PTPRD: variants seen among roughly 807,000 people sequenced by gnomAD.
PTPRD encodes the protein receptor-type tyrosine-protein phosphatase delta.
Under a neutral mutation model 214.5 loss-of-function variants are expected in PTPRD, and 34 were observed. That is an observed-to-expected ratio of 0.16 (90% CI 0.12 to 0.21). The LOEUF is 0.21. PTPRD is among the 10% of genes least tolerant of loss of function. The probability of loss-of-function intolerance (pLI) is 1.00; values close to 1 mark genes in which losing one functional copy is unlikely to be tolerated. For missense variants in PTPRD, 2,545 were observed against 2,398.7 expected, an observed-to-expected ratio of 1.06 and a Z score of -1.27; for synonymous variants, 1,128 against 845.7, an observed-to-expected ratio of 1.33 and a Z score of -5.79.
intron 14 of PTPRD, among the ~76,000 whole-genome samples, chr9:8,545,283 A>C (rs2079738818): frequency 6.6e-6 from 1 of 152,200 alleles, no homozygotes; most frequent in African/African-American, 2.4e-5. Flanking sequence ...TTGTTCAGAC[A>C]TACAGGGACC....
chr9:8,751,551 C>T (rs1003828913), intron 11 of PTPRD, among the ~76,000 whole-genome samples: 5 of 152,160 alleles, frequency 3.3e-5, no homozygotes, highest in Non-Finnish European at 2.9e-5. Flanking sequence ...TATTAGAAAA[C>T]AGGGCCCTTC....
At chr9:9,927,360 G>C (rs1375419886) in intron 5 of PTPRD, among the ~76,000 whole-genome samples, 2 of 152,072 alleles carry the variant, frequency 1.3e-5, no homozygotes, top group Non-Finnish European at 2.9e-5. Context: ...ATTGCTAGCT[G>C]TCCTTTCCTA....
intron 5 of PTPRD, among the ~76,000 whole-genome samples, chr9:9,917,099 T>TA (rs1566284164): frequency 7.0e-5 from 9 of 128,096 alleles, no homozygotes; most frequent in African/African-American, 2.8e-4. Flanking sequence ...AATGTCTACA[T>TA]CAAAAAAAAC....
At chr9:9,523,176 G>C (rs986764746) in intron 8 of PTPRD, among the ~76,000 whole-genome samples, 51 of 152,120 alleles carry the variant, frequency 3.4e-4, no homozygotes, top group Middle Eastern at 3.4e-3. Context: ...TTTATTTCTT[G>C]GAGAACAATA....
At chr9:10,092,262 A>G (rs763201884) in intron 3 of PTPRD, among the ~76,000 whole-genome samples, 3 of 151,486 alleles carry the variant, frequency 2.0e-5, no homozygotes, top group Non-Finnish European at 3.0e-5. Flanking sequence ...ATTTAGATAT[A>G]TAATTGCAGA....
intron 36 of PTPRD, among the ~76,000 whole-genome samples, chr9:8,390,716 A>G (rs1019157460): frequency 6.6e-6 from 1 of 152,148 alleles, no homozygotes; most frequent in Non-Finnish European, 1.5e-5. Context: ...CATGCCTTTA[A>G]GAGAGACAGA....
chr9:8,696,673 G>A (rs563331401), intron 12 of PTPRD, among the ~76,000 whole-genome samples: 16 of 152,314 alleles, frequency 1.1e-4, no homozygotes, highest in African/African-American at 1.7e-4. Context: ...TTAAAATGTC[G>A]TGAGCTAACA....
intron 4 of PTPRD, among the ~76,000 whole-genome samples, chr9:10,027,632 T>G (rs10733202): frequency 0.56 from 85,210 of 152,026 alleles, 25,924 homozygotes; most frequent in Middle Eastern, 0.77. Context: ...TATTCTCCTT[T>G]ATACTGCCTA....
intron 12 of PTPRD, among the ~76,000 whole-genome samples, chr9:8,731,386 AAC>A (rs1180055039): frequency 6.6e-6 from 1 of 152,212 alleles, no homozygotes; most frequent in Non-Finnish European, 1.5e-5. Flanking sequence ...ATCAATACGA[AAC>A]ACAGTTAGGT....
At chr9:10,313,687 G>T (rs919841831) in intron 3 of PTPRD, among the ~76,000 whole-genome samples, 1 of 151,856 alleles carries the variant, frequency 6.6e-6, no homozygotes, top group Non-Finnish European at 1.5e-5. Flanking sequence ...CAGTTCCCAG[G>T]ACCAGCCACT....
chr9:8,965,669 A>C (rs767458646), intron 11 of PTPRD, among the ~76,000 whole-genome samples: 3 of 152,102 alleles, frequency 2.0e-5, no homozygotes, highest in Admixed American at 1.3e-4. Context: ...TGACAAACCC[A>C]CAGTTAACAT....
chr9:9,049,381 G>A (rs991614701), intron 10 of PTPRD, among the ~76,000 whole-genome samples: 1 of 152,174 alleles, frequency 6.6e-6, no homozygotes, highest in African/African-American at 2.4e-5. Flanking sequence ...GGTGTAGTTT[G>A]TAGTGGCTCA....
At chr9:9,292,727 G>T (rs180839043) in intron 9 of PTPRD, among the ~76,000 whole-genome samples, 2 of 151,390 alleles carry the variant, frequency 1.3e-5, no homozygotes, top group East Asian at 2.0e-4. Context: ...ATCTCCTTAG[G>T]TTCCTCTTGG....
chr9:8,557,774 C>G (rs376625426), intron 14 of PTPRD, among the ~76,000 whole-genome samples: 2 of 99,934 alleles, frequency 2.0e-5, no homozygotes, highest in Non-Finnish European at 4.0e-5. Flanking sequence ...AAAAGAAAAA[C>G]AAAATACACA....
chr9:8,811,037 G>A (rs904674449), intron 11 of PTPRD, among the ~76,000 whole-genome samples: 1 of 152,142 alleles, frequency 6.6e-6, no homozygotes, highest in Non-Finnish European at 1.5e-5. Flanking sequence ...GCCCAGGCAG[G>A]GTGCGGTCAG....
rs192130532 is a variant in PTPRD at position 10,162,927 on chromosome 9, A to G, written c.-544-129137T>C. Among the ~76,000 whole-genome samples, 13 of 150,680 alleles carry G rather than the reference A, an allele frequency of 8.6e-5. No homozygotes were observed. In the East Asian group the frequency reaches 2.5e-3, roughly 29 times the overall value. On this transcript the variant is annotated intron_variant, in intron 3 of 45. Transcript: ENST00000381196. ...CAGGGAAAAAATGTAAGCAAGATGT[A>G]TTACTTAATGTCAACAACTAGATTG... is the stretch of plus-strand genomic sequence containing the variant.
At chr9:8,335,508 T>A (rs1013931098) in intron 43 of PTPRD, among the ~76,000 whole-genome samples, 1 of 152,204 alleles carries the variant, frequency 6.6e-6, no homozygotes, top group African/African-American at 2.4e-5. Flanking sequence ...TAAGAAGAGC[T>A]ATTTATGATA....
chr9:9,809,121 T>C (rs2046349400), intron 5 of PTPRD, among the ~76,000 whole-genome samples: 1 of 151,978 alleles, frequency 6.6e-6, no homozygotes, highest in Admixed American at 6.6e-5. Flanking sequence ...ATGTGGCCCT[T>C]CTTTTGGGTC....
At chr9:9,997,573 G>GCCA (rs2096170477) in intron 4 of PTPRD, among the ~76,000 whole-genome samples, 1 of 152,166 alleles carries the variant, frequency 6.6e-6, no homozygotes, top group Admixed American at 6.5e-5. Flanking sequence ...ACAGGCGTGA[G>GCCA]CCACCGTGCC....
Sources: allele counts gnomAD v4.1 joint callset (sites outside exome capture counted in the v4.1 genomes callset), GRCh38; gene constraint gnomAD v4.1.1; transcripts MANE v1.5; gene names NCBI Gene and HGNC (gene_info 2026-07-23, HGNC 2026-07-21).